TSHZ3: variants seen among roughly 807,000 people sequenced by gnomAD.
The protein encoded by TSHZ3 is teashirt homolog 3.
In TSHZ3, 10 loss-of-function variants were observed where a neutral mutation model predicts 64.5. The ratio of observed to expected loss-of-function variants is 0.16; its 90% CI spans 0.10 to 0.26. TSHZ3 has a LOEUF of 0.26. Among genes scored for constraint, TSHZ3 ranks in the 10% least tolerant of loss-of-function variants. The pLI is 1.00. For missense variants in TSHZ3, 1,242 were observed against 1,421.7 expected (o/e 0.87, Z 2.03); for synonymous variants, 608 against 593.1 (o/e 1.03, Z -0.36).
At chr19:31,249,995 G>C (rs987303624) in intron 1 of TSHZ3, among the ~76,000 whole-genome samples, 2 of 152,216 alleles carry the variant, frequency 1.3e-5, no homozygotes, top group African/African-American at 4.8e-5. Flanking sequence ...GACTCAGAGA[G>C]GGACATGAGC....
chr19:31,291,080 G>A (rs1007527304), intron 1 of TSHZ3, among the ~76,000 whole-genome samples: 2 of 152,252 alleles, frequency 1.3e-5, no homozygotes, highest in African/African-American at 4.8e-5. Flanking sequence ...CTTTAGCACA[G>A]CCCGAGTGGC....
At chr19:31,335,836 C>T (rs1568385126) in intron 1 of TSHZ3, among the ~76,000 whole-genome samples, 1 of 152,170 alleles carries the variant, frequency 6.6e-6, no homozygotes, top group Non-Finnish European at 1.5e-5. Flanking sequence ...CCGTGGGCTC[C>T]AAGTGCATTC....
intron 3 of TSHZ3, among the ~76,000 whole-genome samples, chr19:31,235,580 C>CTT (rs1555728668): frequency 6.7e-6 from 1 of 149,914 alleles, no homozygotes; most frequent in African/African-American, 2.5e-5. Flanking sequence ...TTCTTTCCTT[C>CTT]TCTTTTTTCT....
At chr19:31,304,930 G>A (rs2088313048) in intron 1 of TSHZ3, among the ~76,000 whole-genome samples, 1 of 152,206 alleles carries the variant, frequency 6.6e-6, no homozygotes, top group Admixed American at 6.5e-5. Flanking sequence ...TAAGGGGTTT[G>A]ATTGCTTCCT....
Position 31,349,176 on chromosome 19 carries a change from G to T in TSHZ3, c.40+4C>A, listed in dbSNP as rs979303928. The T allele has an allele frequency of 2.6e-6, 4 of 1,542,236 alleles. No homozygotes were observed. In the African/African-American group the frequency reaches 4.2e-5, roughly 16 times the overall value. On this transcript the variant is annotated splice_donor_region_variant and intron_variant, in intron 1 of 1. Transcript: ENST00000240587. Reference sequence around the variant, plus strand: ...GAGCAGAAGGAAGGGGAAGCGGCTCGTACCTGCTGCGCGCCGGGGCGCCTG... The same window carrying T: ...GAGCAGAAGGAAGGGGAAGCGGCTCTTACCTGCTGCGCGCCGGGGCGCCTG...
chr19:31,170,682 A>T (rs1488692791), intron 5 of TSHZ3, among the ~76,000 whole-genome samples: 1 of 152,242 alleles, frequency 6.6e-6, no homozygotes, highest in African/African-American at 2.4e-5. Context: ...AGTAACCTAC[A>T]AAACACCTGA....
intron 5 of TSHZ3, among the ~76,000 whole-genome samples, chr19:31,179,351 A>T (rs117992618): frequency 6.6e-6 from 1 of 152,334 alleles, no homozygotes; most frequent in East Asian, 1.9e-4. Flanking sequence ...AGAGAGAAAG[A>T]CAGGGGAACA....
At chr19:31,177,482 C>T (rs1214252895) in intron 5 of TSHZ3, among the ~76,000 whole-genome samples, 1 of 152,236 alleles carries the variant, frequency 6.6e-6, no homozygotes, top group Non-Finnish European at 1.5e-5. Context: ...CCAGCCACAT[C>T]CCTCCACTCT....
intron 5 of TSHZ3, among the ~76,000 whole-genome samples, chr19:31,190,868 A>T (rs894459571): frequency 5.4e-5 from 7 of 129,750 alleles, no homozygotes; most frequent in African/African-American, 1.5e-4. Flanking sequence ...AAAGCTATTT[A>T]AAAAAAATAA....
intron 1 of TSHZ3, among the ~76,000 whole-genome samples, chr19:31,334,230 C>T (rs2145186753): frequency 6.6e-6 from 1 of 152,292 alleles, no homozygotes; most frequent in Admixed American, 6.5e-5. Context: ...AATAACACCA[C>T]CGCAGCCTCA....
chr19:31,263,147 G>A (rs1182233461), intron 1 of TSHZ3, among the ~76,000 whole-genome samples: 4 of 152,172 alleles, frequency 2.6e-5, no homozygotes, highest in African/African-American at 9.7e-5. Flanking sequence ...AAGATGGCTG[G>A]CTCAGAATTG....
intron 1 of TSHZ3, among the ~76,000 whole-genome samples, chr19:31,299,867 C>A (rs932557448): frequency 1.3e-5 from 2 of 152,168 alleles, no homozygotes; most frequent in African/African-American, 4.8e-5. Flanking sequence ...ACTGTATCAT[C>A]GCCACTGTGA....
chr19:31,289,294 G>T (rs568371109), intron 1 of TSHZ3, among the ~76,000 whole-genome samples: 22 of 152,258 alleles, frequency 1.4e-4, no homozygotes, highest in Non-Finnish European at 2.4e-4. Context: ...AGGAGGAGGT[G>T]GGGGGACAAG....
chr19:31,309,183 G>C (rs1234197084), intron 1 of TSHZ3, among the ~76,000 whole-genome samples: 2 of 152,238 alleles, frequency 1.3e-5, no homozygotes, highest in Non-Finnish European at 2.9e-5. Context: ...GGGGCCCTGG[G>C]TTCAGGACTT....
intron 1 of TSHZ3, among the ~76,000 whole-genome samples, chr19:31,282,011 T>G (rs946332406): frequency 6.6e-6 from 1 of 152,202 alleles, no homozygotes; most frequent in Non-Finnish European, 1.5e-5. Flanking sequence ...ACAGTATGAC[T>G]GAGGTCAGAG....
chr19:31,246,202 C>T (rs1286652166), intron 1 of TSHZ3, among the ~76,000 whole-genome samples: 4 of 152,050 alleles, frequency 2.6e-5, no homozygotes, highest in Non-Finnish European at 5.9e-5. Flanking sequence ...TAAGTCAAAA[C>T]ACTACAATTC....
At chr19:31,323,012 T>C (rs1318770350) in intron 1 of TSHZ3, among the ~76,000 whole-genome samples, 1 of 152,236 alleles carries the variant, frequency 6.6e-6, no homozygotes, top group Non-Finnish European at 1.5e-5. Flanking sequence ...TTCCTTTTAT[T>C]TTCCCTTTAT....
chr19:31,181,057 G>A (rs771031782), intron 5 of TSHZ3, among the ~76,000 whole-genome samples: 7 of 152,104 alleles, frequency 4.6e-5, no homozygotes, highest in Middle Eastern at 3.2e-3. Context: ...TCATTAGGGG[G>A]AGAGATGACA....
intron 6 of TSHZ3, among the ~76,000 whole-genome samples, chr19:31,151,924 T>C (rs1165185568): frequency 6.6e-6 from 1 of 152,212 alleles, no homozygotes; most frequent in African/African-American, 2.4e-5. Context: ...TTTAAAGTGG[T>C]GACAATAGTT....
Sources: gnomAD v4.1 joint callset for allele counts (sites outside exome capture counted in the v4.1 genomes callset) on GRCh38, gnomAD v4.1.1 for gene constraint, MANE v1.5 for transcripts, NCBI Gene and HGNC (gene_info 2026-07-23, HGNC 2026-07-21) for gene names.